PLCH1: variants seen among roughly 807,000 people sequenced by gnomAD.
The protein encoded by PLCH1 is 1-phosphatidylinositol 4,5-bisphosphate phosphodiesterase eta-1.
PLCH1 carries 60 observed loss-of-function variants against 126.7 expected under a neutral mutation model. That is an observed-to-expected ratio of 0.47 (90% CI 0.38 to 0.59). The LOEUF (loss-of-function observed/expected upper bound fraction) is 0.59, where lower values mean the gene tolerates loss of function less well. Ranked by LOEUF, PLCH1 falls within the 20% of genes least tolerant of loss-of-function variation. The pLI, the probability that PLCH1 is intolerant of heterozygous loss-of-function variation, is 0.00. For synonymous variants in PLCH1, 719 were observed against 734.9 expected (o/e 0.98, Z 0.35); for missense variants, 1,723 against 2,040.0 (o/e 0.84, Z 2.99).
intron 2 of PLCH1, among the ~76,000 whole-genome samples, chr3:155,622,807 A>C (rs538720367): frequency 6.6e-6 from 1 of 152,326 alleles, no homozygotes; most frequent in South Asian, 2.1e-4. Context: ...CCCACAGAAT[A>C]ACAGTGGGAG....
rs142008416 is a variant in PLCH1 at position 155,617,077 on chromosome 3, T to C, written c.80-20699A>G. Among the ~76,000 whole-genome samples the C allele has an allele frequency of 2.6e-5, 4 of 152,224 alleles. No individual in the cohort carries two copies. The South Asian group carries it at 6.2e-4, about 24-fold the overall frequency. ...CCATATAAATGTGTTATTAATATAG[T>C]TTTCAAAATTGTAATTCTGTCAATA... On this transcript the variant is annotated intron_variant, in intron 2 of 22. Coordinates refer to ENST00000460012, the MANE Select transcript of PLCH1 (RefSeq NM_014996.4).
intron 1 of PLCH1, among the ~76,000 whole-genome samples, chr3:155,736,557 T>C (rs1297653086): frequency 6.6e-6 from 1 of 152,224 alleles, no homozygotes; most frequent in Non-Finnish European, 1.5e-5. Context: ...AGCTGCTCAG[T>C]AGTCAGACGA....
At chr3:155,696,017 T>C (rs1324988339) in intron 2 of PLCH1, among the ~76,000 whole-genome samples, 2 of 152,040 alleles carry the variant, frequency 1.3e-5, no homozygotes, top group Admixed American at 6.6e-5. Flanking sequence ...TGTGGAGCCA[T>C]CAGGTAGGCA....
intron 2 of PLCH1, among the ~76,000 whole-genome samples, chr3:155,652,248 C>T (rs975758283): frequency 6.6e-6 from 1 of 152,224 alleles, no homozygotes; most frequent in Admixed American, 6.5e-5. Context: ...TTTTTTTGAG[C>T]ACCATGTTAA....
intron 14 of PLCH1, among the ~76,000 whole-genome samples, chr3:155,497,868 C>A (rs991395890): frequency 2.0e-5 from 3 of 152,112 alleles, no homozygotes; most frequent in African/African-American, 7.2e-5. Flanking sequence ...GTGCACACCA[C>A]CACGCCAGCT....
rs753641837 is a variant in PLCH1, at chr3:155,480,599, CAGTT to C, written c.*365_*368del. Reference sequence around the variant, plus strand: ...TTGCAAAGTCTCTTAATCAACTCAACAGTTAGAGAGTAAAAATGACTACATTTGT... The same window carrying C: ...TTGCAAAGTCTCTTAATCAACTCAACAGAGAGTAAAAATGACTACATTTGT... On this transcript the variant is annotated 3_prime_UTR_variant, in exon 23 of 23. Coordinates refer to ENST00000460012, the MANE Select transcript of PLCH1 (RefSeq NM_014996.4). 3 of 175,534 alleles carry C rather than the reference CAGTT, an allele frequency of 1.7e-5. No homozygotes were observed. The highest frequency in any genetic ancestry group is 3.7e-5 in the Non-Finnish European group (3 of 82,120). 10.9% of individuals were successfully genotyped at this position (175,534 alleles called of 1,614,324 possible).
At chr3:155,645,783 G>T (rs1739960468) in intron 2 of PLCH1, among the ~76,000 whole-genome samples, 1 of 152,142 alleles carries the variant, frequency 6.6e-6, no homozygotes, top group Non-Finnish European at 1.5e-5. Context: ...GGGATGGCAA[G>T]ACAATATGGA....
chr3:155,540,934 T>C (rs1463193386), intron 10 of PLCH1, among the ~76,000 whole-genome samples: 1 of 152,166 alleles, frequency 6.6e-6, no homozygotes, highest in Non-Finnish European at 1.5e-5. Flanking sequence ...AAGACACTTG[T>C]ACACATATTT....
At chr3:155,552,684 G>A (rs1726303121) in intron 9 of PLCH1, among the ~76,000 whole-genome samples, 1 of 152,198 alleles carries the variant, frequency 6.6e-6, no homozygotes, top group Non-Finnish European at 1.5e-5. Context: ...GAAGACAAGG[G>A]AGATGCCAGA....
intron 21 of PLCH1, among the ~76,000 whole-genome samples, chr3:155,461,054 A>G (rs1326835377): frequency 1.3e-5 from 2 of 152,370 alleles, no homozygotes; most frequent in African/African-American, 4.8e-5. Context: ...TAAGGACAGC[A>G]GTAAATCTTC....
At chr3:155,585,363 C>T (rs547020522) in intron 5 of PLCH1, among the ~76,000 whole-genome samples, 67 of 152,234 alleles carry the variant, frequency 4.4e-4, no homozygotes, top group South Asian at 1.7e-3. Context: ...GGATTATGCA[C>T]GCAACTTATC....
chr3:155,667,902 TTAA>T (rs1742927232), intron 2 of PLCH1, among the ~76,000 whole-genome samples: 3 of 95,156 alleles, frequency 3.2e-5, no homozygotes, highest in African/African-American at 5.4e-5. Flanking sequence ...CCATCTCTAC[TTAA>T]AAAAAAAAAA....
rs1577312972 is a variant in PLCH1, at chr3:155,681,938, C to A, written c.79+22208G>T. 2.0e-5 allele frequency among the ~76,000 whole-genome samples: 3 copies of A among 152,286 alleles called. No individual in the cohort carries two copies. The South Asian group carries it at 6.2e-4, about 32-fold the overall frequency. Reference sequence around the variant, plus strand: ...AAGCTGTTCCAGAGTACTCTGGAGACAATGGGCACTAATCTTTCATCAAAA... The same window carrying A: ...AAGCTGTTCCAGAGTACTCTGGAGAAAATGGGCACTAATCTTTCATCAAAA... On this transcript the variant is annotated intron_variant, in intron 2 of 22. Coordinates refer to ENST00000460012, the MANE Select transcript of PLCH1 (RefSeq NM_014996.4).
At chr3:155,707,757 T>A (rs906495239) in intron 1 of PLCH1, among the ~76,000 whole-genome samples, 1 of 152,016 alleles carries the variant, frequency 6.6e-6, no homozygotes, top group Non-Finnish European at 1.5e-5. Context: ...ATGTAACATA[T>A]AATACATGTA....
At chr3:155,737,151 G>A (rs1160958710) in intron 1 of PLCH1, among the ~76,000 whole-genome samples, 6 of 146,866 alleles carry the variant, frequency 4.1e-5, no homozygotes, top group Non-Finnish European at 8.9e-5. Flanking sequence ...AGAATCGCAT[G>A]AATCCGGAAA....
intron 21 of PLCH1, among the ~76,000 whole-genome samples, chr3:155,451,774 C>G (rs566977153): frequency 4.6e-5 from 7 of 152,296 alleles, no homozygotes; most frequent in African/African-American, 1.4e-4. Context: ...CAAACTGTGA[C>G]AGAAGTCTTC....
At chr3:155,671,939 C>T (rs1227622738) in intron 2 of PLCH1, among the ~76,000 whole-genome samples, 2 of 152,070 alleles carry the variant, frequency 1.3e-5, no homozygotes, top group Admixed American at 6.5e-5. Flanking sequence ...CTGTATTTTT[C>T]GTTAATAGTT....
intron 6 of PLCH1, among the ~76,000 whole-genome samples, chr3:155,569,380 A>G (rs1182273339): frequency 6.6e-6 from 1 of 152,136 alleles, no homozygotes; most frequent in Non-Finnish European, 1.5e-5. Flanking sequence ...GTTTTTCTAA[A>G]CAGTCTATTT....
At position 155,514,726 on chromosome 3, in the gene PLCH1, C is replaced by A; in HGVS notation, c.1629G>T (p.Lys543Asn). Residue 543 changes from lysine to asparagine, a missense_variant, in exon 12 of 23, where the codon AAG (lysine) becomes AAT (asparagine). Lys to Asn is a moderately conservative substitution (Grantham distance 94, BLOSUM62 0). Coordinates refer to ENST00000460012, the MANE Select transcript of PLCH1 (RefSeq NM_014996.4). ...ATHEGLNAHL[K>N]QSPDVKESGK... ...AGTACAAGAGGGAATCAGATACCTG[C>A]TTCAGGTGTGCATTTAAGCCTTCAT... 1 of 1,549,760 alleles carries A rather than the reference C, an allele frequency of 6.5e-7. No homozygotes were observed. The highest frequency in any genetic ancestry group is 8.8e-7 in the Non-Finnish European group (1 of 1,140,920).
Sources: gnomAD v4.1 joint callset for allele counts (sites outside exome capture counted in the v4.1 genomes callset) on GRCh38, gnomAD v4.1.1 for gene constraint, MANE v1.5 for transcripts, NCBI Gene and HGNC (gene_info 2026-07-23, HGNC 2026-07-21) for gene names.